DSCAM: variants seen among roughly 807,000 people sequenced by gnomAD.
The protein encoded by DSCAM is DS cell adhesion molecule.
DSCAM carries 47 observed loss-of-function variants against 217.7 expected under a neutral mutation model. That is an observed-to-expected ratio of 0.22 (90% CI 0.17 to 0.28). The LOEUF is 0.28. DSCAM is among the 10% of genes least tolerant of loss of function. DSCAM has a pLI of 1.00. For missense variants in DSCAM, 2,080 were observed against 2,618.3 expected (o/e 0.79, Z 4.49); for synonymous variants, 1,056 against 1,015.3 (o/e 1.04, Z -0.76).
intron 11 of DSCAM, among the ~76,000 whole-genome samples, chr21:40,227,071 ACATGATCT>A (rs1196494072): frequency 6.6e-6 from 1 of 152,228 alleles, no homozygotes; most frequent in Non-Finnish European, 1.5e-5. Flanking sequence ...CCTGCAAAGG[ACATGATCT>A]CATTCTGCTT....
At chr21:40,085,099 G>A (rs930763540) in intron 23 of DSCAM, among the ~76,000 whole-genome samples, 1 of 152,176 alleles carries the variant, frequency 6.6e-6, no homozygotes, top group African/African-American at 2.4e-5. Flanking sequence ...TTTTGTGTAT[G>A]ATATCAAGAA....
intron 1 of DSCAM, among the ~76,000 whole-genome samples, chr21:40,760,658 G>C (rs1486083528): frequency 6.6e-6 from 1 of 152,236 alleles, no homozygotes; most frequent in East Asian, 1.9e-4. Flanking sequence ...TTGCCACCCA[G>C]GTAGAGGAAC....
rs572659152 is a variant in DSCAM, at chr21:40,143,652, G to A, written c.3259+839C>T. 2.0e-5 allele frequency among the ~76,000 whole-genome samples: 3 copies of A among 152,270 alleles called. No individual in the cohort carries two copies. In the East Asian group the frequency reaches 5.8e-4, roughly 29 times the overall value. On this transcript the variant is annotated intron_variant, in intron 17 of 32. Coordinates refer to ENST00000400454, the MANE Select transcript of DSCAM (RefSeq NM_001389.5). The stretch of plus-strand genomic sequence containing the variant: ...TAATAATACAAAAAATTAGCCAGGC[G>A]TGGTGGCGGGTGCCTGCAGTCCCAG...
At chr21:40,687,513 C>A (rs902779312) in intron 3 of DSCAM, among the ~76,000 whole-genome samples, 10 of 152,116 alleles carry the variant, frequency 6.6e-5, no homozygotes, top group African/African-American at 7.2e-5. Context: ...AGGCCCCCCA[C>A]AGCATGACCC....
intron 16 of DSCAM, among the ~76,000 whole-genome samples, chr21:40,164,736 A>G (rs1186687940): frequency 1.3e-5 from 2 of 152,172 alleles, no homozygotes; most frequent in Non-Finnish European, 2.9e-5. Flanking sequence ...CGGGAGACAC[A>G]GGTTGCACTG....
intron 3 of DSCAM, among the ~76,000 whole-genome samples, chr21:40,529,527 C>T (rs1413557284): frequency 6.6e-6 from 1 of 152,130 alleles, no homozygotes; most frequent in East Asian, 1.9e-4. Flanking sequence ...GATCAAAGGT[C>T]TGCATCCCAT....
At position 40,190,253 on chromosome 21, in the gene DSCAM, A is replaced by C. The variant is rs528576368; in HGVS notation, c.2357-1015T>G. 2.6e-4 allele frequency among the ~76,000 whole-genome samples: 40 copies of C among 152,286 alleles called. No individual in the cohort carries two copies. The South Asian group carries it at 5.4e-3, about 21-fold the overall frequency. On this transcript the variant is annotated intron_variant, in intron 11 of 32. Transcript: ENST00000400454. ...AATAGATGACAAAAGATCCCACCCC[A>C]ATTCCACAAGCCACTTATAAATTGT...
intron 15 of DSCAM, among the ~76,000 whole-genome samples, chr21:40,174,658 G>C (rs928115104): frequency 1.3e-5 from 2 of 152,220 alleles, no homozygotes; most frequent in East Asian, 3.9e-4. Flanking sequence ...CTCACTGAGG[G>C]GGTATGGTCA....
intron 11 of DSCAM, among the ~76,000 whole-genome samples, chr21:40,236,168 A>G (rs1315960252): frequency 6.6e-6 from 1 of 152,216 alleles, no homozygotes; most frequent in Non-Finnish European, 1.5e-5. Context: ...TCTTGCCTGC[A>G]TTCTAGAAAC....
intron 15 of DSCAM, among the ~76,000 whole-genome samples, chr21:40,175,819 A>ACACGCACGCACACACC (rs2090722967): frequency 6.7e-6 from 1 of 149,444 alleles, no homozygotes; most frequent in Non-Finnish European, 1.5e-5. Flanking sequence ...GCACACACAC[A>ACACGCACGCACACACC]CACACGCACA....
intron 16 of DSCAM, among the ~76,000 whole-genome samples, chr21:40,154,180 T>TCTTC (rs138672399): frequency 0.012 from 1,776 of 149,974 alleles, 35 homozygotes; most frequent in African/African-American, 0.042. Flanking sequence ...TCTCCTTTCT[T>TCTTC]CTTCCTTCCT....
chr21:40,436,629 C>T (rs73217019), intron 3 of DSCAM, among the ~76,000 whole-genome samples: 2 of 152,150 alleles, frequency 1.3e-5, no homozygotes, highest in African/African-American at 4.8e-5. Flanking sequence ...GGCAGAACAC[C>T]AGTTCTGTGG....
At chr21:40,369,303 C>A in intron 3 of DSCAM, 58 bp from the exon 4 acceptor site, 3 of 1,530,576 alleles carry the variant, frequency 2.0e-6, no homozygotes, top group Non-Finnish European at 2.6e-6. Flanking sequence ...CCCAACCACA[C>A]AGACAAAGTC....
chr21:40,709,110 T>C (rs1331870826), intron 1 of DSCAM, among the ~76,000 whole-genome samples: 1 of 152,304 alleles, frequency 6.6e-6, no homozygotes, highest in East Asian at 1.9e-4. Flanking sequence ...TTATTGTCTA[T>C]CTTCTGCCAC....
At chr21:40,229,067 A>C (rs537938203) in intron 11 of DSCAM, among the ~76,000 whole-genome samples, 1 of 152,008 alleles carries the variant, frequency 6.6e-6, no homozygotes. Context: ...GAGAAACCCA[A>C]CTCCCATGAT....
At chr21:40,437,331 C>T (rs1250278520) in intron 3 of DSCAM, among the ~76,000 whole-genome samples, 1 of 152,044 alleles carries the variant, frequency 6.6e-6, no homozygotes, top group Non-Finnish European at 1.5e-5. Context: ...CGGGGCTCCA[C>T]CAAGGTGTCC....
intron 3 of DSCAM, among the ~76,000 whole-genome samples, chr21:40,510,285 T>G (rs1396412318): frequency 1.3e-5 from 2 of 152,186 alleles, no homozygotes; most frequent in Non-Finnish European, 2.9e-5. Flanking sequence ...AAGGGAAAAT[T>G]TATTAATTCA....
chr21:40,534,127 GT>G (rs2076476538), intron 3 of DSCAM, among the ~76,000 whole-genome samples: 1 of 152,110 alleles, frequency 6.6e-6, no homozygotes, highest in East Asian at 1.9e-4. Flanking sequence ...GCAGCCATAT[GT>G]TTTTTATTCA....
chr21:40,496,627 G>A (rs1334118379), intron 3 of DSCAM, among the ~76,000 whole-genome samples: 1 of 152,078 alleles, frequency 6.6e-6, no homozygotes, highest in Non-Finnish European at 1.5e-5. Context: ...TAAAAGCACA[G>A]GCAACAAACG....
Sources: gnomAD v4.1 joint callset for allele counts (sites outside exome capture counted in the v4.1 genomes callset) on GRCh38, gnomAD v4.1.1 for gene constraint, MANE v1.5 for transcripts, NCBI Gene and HGNC (gene_info 2026-07-23, HGNC 2026-07-21) for gene names.